Variants in SRSF7 observed in about 807,000 individuals in gnomAD.
The protein encoded by SRSF7 is serine and arginine rich splicing factor 7.
SRSF7 carries 15 observed loss-of-function variants against 42.2 expected under a neutral mutation model. The ratio of observed to expected loss-of-function variants is 0.36; its 90% CI spans 0.24 to 0.55. The LOEUF (loss-of-function observed/expected upper bound fraction) is 0.55. Among genes scored for constraint, SRSF7 ranks in the 20% least tolerant of loss-of-function variants. SRSF7 has a pLI of 0.88. For synonymous variants in SRSF7, 138 were observed against 107.9 expected, an observed-to-expected ratio of 1.28 and a Z score of -1.73; for missense variants, 181 against 305.9, an observed-to-expected ratio of 0.59 and a Z score of 3.04.
chr2:38,751,278 G>A lies in SRSF7; in HGVS notation c.-22C>T. 3.7e-6 allele frequency: 6 copies of A among 1,613,990 alleles called. No homozygotes were observed. In the African/African-American group the frequency reaches 8.0e-5, roughly 21 times the overall value. The stretch of plus-strand genomic sequence containing the variant: ...ACATGATGACAGACCCGCGTGCTCG[G>A]CTCTTTAGCAAGCAGCGCCCAGGGC... On this transcript the variant is annotated 5_prime_UTR_variant, in exon 1 of 8. Transcript: ENST00000313117.
At chr2:38,747,883 C>A (rs1667709046) in intron 5 of SRSF7, among the ~76,000 whole-genome samples, 164 bp downstream of exon 5, 1 of 152,206 alleles carries the variant, frequency 6.6e-6, no homozygotes, top group African/African-American at 2.4e-5. Context: ...TTTTCTTCAT[C>A]TGTAAAACTA....
chr2:38,745,755 C>CACTAGATAA (rs1194700944), intron 7 of SRSF7, among the ~76,000 whole-genome samples: 9 of 152,060 alleles, frequency 5.9e-5, no homozygotes, highest in Admixed American at 1.3e-4. Flanking sequence ...CATTAAGAAG[C>CACTAGATAA]ACTAGATAAA....
intron 7 of SRSF7, 141 bp downstream of exon 7, chr2:38,746,003 A>G (rs1667345592): frequency 2.7e-6 from 2 of 751,848 alleles, no homozygotes; most frequent in Middle Eastern, 2.4e-4. Flanking sequence ...AAAAAAAAGT[A>G]TTTCAGAAAC....
At chr2:38,750,923 C>CG (rs889700665) in intron 1 of SRSF7, 376 of 362,300 alleles carry the variant, frequency 1.0e-3, no homozygotes, top group Middle Eastern at 2.5e-3. Flanking sequence ...CCGCCGAGGG[C>CG]GGGGGGGGAG....
At chr2:38,746,243 C>A in intron 6 of SRSF7, 64 bp from the exon 7 acceptor site, 1 of 1,565,698 alleles carries the variant, frequency 6.4e-7, no homozygotes, top group Non-Finnish European at 8.8e-7. Context: ...TTGTAGTCAC[C>A]AATACCGTAA....
intron 5 of SRSF7, chr2:38,747,149 A>C (rs1197262722): frequency 2.1e-6 from 1 of 471,688 alleles, no homozygotes; most frequent in South Asian, 1.5e-5. Context: ...GGATGAAAAT[A>C]ACCAGACCCC....
chr2:38,748,660 T>G lies in SRSF7; in HGVS notation c.387-7A>C. On this transcript the variant is annotated splice_region_variant and splice_polypyrimidine_tract_variant and intron_variant, in intron 3 of 7. Transcript: ENST00000313117. ...ATGTGATCTAGACCGTGACCTATTT[T>G]TCAAGTTAGAGAAAAAACAAAATGT... 1.2e-6 allele frequency: 2 copies of G among 1,614,080 alleles called. No homozygotes were observed. Among genetic ancestry groups the G allele is most frequent in the South Asian group, 2.2e-5 (2 of 91,070 alleles).
At position 38,746,750 on chromosome 2, in the gene SRSF7, T is replaced by C; in HGVS notation, c.573-3A>G. Reference sequence around the variant, plus strand: ...TTGATCTTGACCTCGACGGGGATCTTAATAAAAAAAGTGAAAAACACAATT... The same window carrying C: ...TTGATCTTGACCTCGACGGGGATCTCAATAAAAAAAGTGAAAAACACAATT... On this transcript the variant is annotated splice_polypyrimidine_tract_variant and splice_region_variant and intron_variant, in intron 5 of 7. Coordinates refer to ENST00000313117, the MANE Select transcript of SRSF7 (RefSeq NM_001031684.3). 2.5e-6 allele frequency: 4 copies of C among 1,613,304 alleles called. No individual in the cohort carries two copies. The highest frequency in any genetic ancestry group is 3.4e-6 in the Non-Finnish European group (4 of 1,179,800).
upstream of SRSF7, chr2:38,751,380 G>C (rs1668350940): frequency 2.3e-6 from 3 of 1,332,860 alleles, no homozygotes; most frequent in African/African-American, 1.4e-5. Context: ...GCCCGGGTTC[G>C]CGTTTATATA....
intron 3 of SRSF7, chr2:38,749,284 T>A (rs1667932943): frequency 6.8e-7 from 1 of 1,463,616 alleles, no homozygotes. Context: ...GCAAGGCGCC[T>A]CAGCATGATA....
intron 5 of SRSF7, 95 bp from the exon 6 acceptor site, chr2:38,746,842 A>C: frequency 1.9e-6 from 3 of 1,563,152 alleles, no homozygotes; most frequent in South Asian, 1.2e-5. Context: ...AGGCATAAAG[A>C]AGCTAAAACT....
chr2:38,748,855 C>A, intron 3 of SRSF7: 1 of 1,359,134 alleles, frequency 7.4e-7, no homozygotes, highest in Non-Finnish European at 9.7e-7. Flanking sequence ...TACAACTTAG[C>A]ATTACATAAT....
intron 7 of SRSF7, 42 bp from the exon 8 acceptor site, chr2:38,745,229 T>A (rs369332733): frequency 2.5e-6 from 4 of 1,604,860 alleles, no homozygotes; most frequent in African/African-American, 1.3e-5. Flanking sequence ...TTAGTGTCAA[T>A]TGAAACTCTC....
chr2:38,749,293 TATCA>T, intron 3 of SRSF7: 1 of 1,477,962 alleles, frequency 6.8e-7, no homozygotes, highest in Non-Finnish European at 9.1e-7. Context: ...CTCAGCATGA[TATCA>T]TAAGGCTCGT....
In SRSF7 at chr2:38,746,277, A is replaced by G. The variant is rs1667399934; in HGVS notation, c.627-98T>C. ...AAAACCCCCAAATGTCCTAAGCTTA[A>G]AATGTCAGACTGCACTTAAACTGAA... On this transcript the variant is annotated intron_variant, in intron 6 of 7. Coordinates refer to ENST00000313117, the MANE Select transcript of SRSF7 (RefSeq NM_001031684.3). 4.4e-6 allele frequency: 6 copies of G among 1,365,748 alleles called. No individual in the cohort carries two copies. In the South Asian group the frequency reaches 7.1e-5, roughly 16 times the overall value. The allele number at this position is 1,365,748 out of a possible 1,614,324, so 84.6% of individuals were successfully genotyped here.
chr2:38,743,905 T>TG lies in SRSF7; in HGVS notation c.*1227_*1228insC. 2 of 151,964 alleles carry TG rather than the reference T, an allele frequency of 1.3e-5. No individual in the cohort carries two copies. Among genetic ancestry groups the TG allele is most frequent in the African/African-American group, 4.8e-5 (2 of 41,314 alleles). 9.4% of individuals were successfully genotyped at this position (151,964 alleles called of 1,614,324 possible). On this transcript the variant is annotated 3_prime_UTR_variant, in exon 8 of 8. Coordinates refer to ENST00000313117, the MANE Select transcript of SRSF7 (RefSeq NM_001031684.3). ...TATCTGCGCAACCAGCAGGTTTTTT[T>TG]TTTTTTGTACCAAGGCTAGAGAATG...
Position 38,751,307 on chromosome 2 carries a change from A to T in SRSF7, c.-51T>A. 1 of 1,613,352 alleles carries T rather than the reference A, an allele frequency of 6.2e-7. No individual in the cohort carries two copies. The highest frequency in any genetic ancestry group is 8.5e-7 in the Non-Finnish European group (1 of 1,179,738). On this transcript the variant is annotated 5_prime_UTR_variant, in exon 1 of 8. Transcript: ENST00000313117. Reference sequence around the variant, plus strand: ...TTTAGCAAGCAGCGCCCAGGGCTCGAGTGACGCAAAAGCTGACACACACCT... The same window carrying T: ...TTTAGCAAGCAGCGCCCAGGGCTCGTGTGACGCAAAAGCTGACACACACCT...
intron 3 of SRSF7, 31 bp from the exon 4 acceptor site, chr2:38,748,684 G>A: frequency 2.5e-6 from 4 of 1,601,902 alleles, no homozygotes; most frequent in Non-Finnish European, 3.4e-6. Context: ...AAAACAAAAT[G>A]TCAGACAATA....
chr2:38,745,706 C>G (rs1308531168), intron 7 of SRSF7, among the ~76,000 whole-genome samples: 1 of 151,804 alleles, frequency 6.6e-6, no homozygotes, highest in Non-Finnish European at 1.5e-5. Flanking sequence ...GCAAGGTCAA[C>G]CTGCAGTTAA....
Sources: allele counts gnomAD v4.1 joint callset (sites outside exome capture counted in the v4.1 genomes callset), GRCh38; gene constraint gnomAD v4.1.1; transcripts MANE v1.5; gene names NCBI Gene and HGNC (gene_info 2026-07-23, HGNC 2026-07-21).